MAGI1: variants seen among roughly 807,000 people sequenced by gnomAD.
The protein encoded by MAGI1 is membrane-associated guanylate kinase, WW and PDZ domain-containing protein 1.
In MAGI1, 58 loss-of-function variants were observed where a neutral mutation model predicts 139.9. That is an observed-to-expected ratio of 0.41 (90% CI 0.34 to 0.52). MAGI1 has a LOEUF of 0.52. MAGI1 is among the 20% of genes least tolerant of loss of function. The pLI is 0.12. For synonymous variants in MAGI1, 812 were observed against 737.9 expected, an observed-to-expected ratio of 1.10 and a Z score of -1.63; for missense variants, 1,874 against 1,901.6, an observed-to-expected ratio of 0.99 and a Z score of 0.27.
chr3:65,694,647 C>T (rs566577821), intron 1 of MAGI1, among the ~76,000 whole-genome samples: 11 of 152,330 alleles, frequency 7.2e-5, no homozygotes, highest in African/African-American at 2.6e-4. Flanking sequence ...CCAGCAATAC[C>T]TGGAAACAGC....
chr3:65,965,984 G>C (rs1314565162), intron 1 of MAGI1, among the ~76,000 whole-genome samples: 1 of 152,018 alleles, frequency 6.6e-6, no homozygotes, highest in Non-Finnish European at 1.5e-5. Context: ...GCTTACTATG[G>C]GTTACTTCTC....
intron 1 of MAGI1, among the ~76,000 whole-genome samples, chr3:65,984,065 G>A (rs1227618408): frequency 2.0e-5 from 3 of 152,248 alleles, no homozygotes; most frequent in Non-Finnish European, 4.4e-5. Flanking sequence ...AGGCTAAGGC[G>A]GGTGGATCAC....
At chr3:65,926,956 T>C (rs529977012) in intron 1 of MAGI1, among the ~76,000 whole-genome samples, 8 of 152,082 alleles carry the variant, frequency 5.3e-5, no homozygotes, top group African/African-American at 1.9e-4. Flanking sequence ...GATTGCGCCA[T>C]TGCACACCAG....
intron 12 of MAGI1, among the ~76,000 whole-genome samples, chr3:65,427,731 C>A (rs991572279): frequency 1.3e-5 from 2 of 152,182 alleles, no homozygotes; most frequent in Admixed American, 1.3e-4. Flanking sequence ...GGGGTGGCAC[C>A]TTCCTACCTC....
At chr3:65,704,005 C>A (rs143080075) in intron 1 of MAGI1, among the ~76,000 whole-genome samples, 25 of 152,120 alleles carry the variant, frequency 1.6e-4, no homozygotes, top group Non-Finnish European at 2.6e-4. Flanking sequence ...TCTGAACAAC[C>A]CTTTTTATTG....
intron 1 of MAGI1, among the ~76,000 whole-genome samples, chr3:65,989,698 CG>C (rs1451884296): frequency 1.3e-5 from 2 of 152,048 alleles, no homozygotes; most frequent in African/African-American, 4.8e-5. Flanking sequence ...CCACCACACC[CG>C]GCTAATTTTT....
At chr3:65,450,369 C>T (rs569657218) in intron 6 of MAGI1, among the ~76,000 whole-genome samples, 11 of 152,102 alleles carry the variant, frequency 7.2e-5, no homozygotes, top group South Asian at 4.1e-4. Context: ...ATGGAAGATG[C>T]GGTGAAAAAA....
At chr3:66,028,165 G>T (rs938587910) in intron 1 of MAGI1, among the ~76,000 whole-genome samples, 1 of 152,136 alleles carries the variant, frequency 6.6e-6, no homozygotes, top group Admixed American at 6.5e-5. Context: ...GCCAGGTGTG[G>T]TGGGTGCATG....
intron 12 of MAGI1, among the ~76,000 whole-genome samples, chr3:65,405,043 C>G (rs1230201919): frequency 1.3e-5 from 2 of 152,240 alleles, no homozygotes; most frequent in South Asian, 4.1e-4. Context: ...TCAGAAGAGG[C>G]AGAAGAAAGA....
chr3:65,391,089 G>A, intron 14 of MAGI1, 53 bp downstream of exon 14: 1 of 1,463,446 alleles, frequency 6.8e-7, no homozygotes, highest in Admixed American at 1.8e-5. Flanking sequence ...TCAAGAGAAA[G>A]GTAGAGCCCT....
At chr3:65,564,853 C>G (rs2080535872) in intron 2 of MAGI1, among the ~76,000 whole-genome samples, 1 of 152,142 alleles carries the variant, frequency 6.6e-6, no homozygotes, top group Admixed American at 6.5e-5. Flanking sequence ...TACTGCCAAC[C>G]AGCTCATCAA....
chr3:65,630,563 T>G (rs1036063690), intron 1 of MAGI1, among the ~76,000 whole-genome samples: 1 of 152,164 alleles, frequency 6.6e-6, no homozygotes, highest in Non-Finnish European at 1.5e-5. Flanking sequence ...TAATGTCTTT[T>G]GCAGCAACCT....
In MAGI1 at chr3:65,407,057, T is replaced by C. The variant is rs569722126; in HGVS notation, c.2168-5587A>G. On this transcript the variant is annotated intron_variant, in intron 12 of 22. Transcript: ENST00000402939. ...AAATTTACAATTAATTTTAACTCAG[T>C]AAACTGATCATTAGGAGTTTGTATT... is the stretch of plus-strand genomic sequence containing the variant. Among the ~76,000 whole-genome samples the C allele has an allele frequency of 3.0e-4, 45 of 152,328 alleles. No individual in the cohort carries two copies. In the South Asian group the frequency reaches 6.6e-3, roughly 22 times the overall value.
chr3:65,784,261 T>C (rs1289707711), intron 1 of MAGI1, among the ~76,000 whole-genome samples: 1 of 152,186 alleles, frequency 6.6e-6, no homozygotes, highest in African/African-American at 2.4e-5. Flanking sequence ...AACATGGAGT[T>C]ACCACATTCC....
intron 2 of MAGI1, chr3:65,609,807 G>C (rs1465282516): frequency 1.5e-5 from 5 of 323,406 alleles, no homozygotes; most frequent in Non-Finnish European, 3.1e-5. Context: ...AAACTCCTGG[G>C]CTCAAATGAT....
At chr3:65,509,576 C>G (rs375961664) in intron 2 of MAGI1, among the ~76,000 whole-genome samples, 2 of 152,176 alleles carry the variant, frequency 1.3e-5, no homozygotes, top group Non-Finnish European at 2.9e-5. Flanking sequence ...CACTCCCACC[C>G]GAATATTTCG....
intron 1 of MAGI1, among the ~76,000 whole-genome samples, chr3:65,795,440 A>G (rs2040062090): frequency 6.6e-6 from 1 of 152,170 alleles, no homozygotes; most frequent in South Asian, 2.1e-4. Context: ...ATCCTGGGCT[A>G]CATACTGTGT....
chr3:65,807,855 T>A (rs2040965919), intron 1 of MAGI1, among the ~76,000 whole-genome samples: 1 of 152,156 alleles, frequency 6.6e-6, no homozygotes, highest in African/African-American at 2.4e-5. Flanking sequence ...ATGAGAAAAC[T>A]GAGTACAGAG....
chr3:65,951,039 A>AAGGAAT (rs2063835091), intron 1 of MAGI1, among the ~76,000 whole-genome samples: 1 of 83,680 alleles, frequency 1.2e-5, no homozygotes, highest in Non-Finnish European at 2.7e-5. Context: ...AAGGAAGGAA[A>AAGGAAT]GGAGGGAGGG....
Sources: allele counts gnomAD v4.1 joint callset (sites outside exome capture counted in the v4.1 genomes callset), GRCh38; gene constraint gnomAD v4.1.1; transcripts MANE v1.5; gene names NCBI Gene and HGNC (gene_info 2026-07-23, HGNC 2026-07-21).